INPP4B: variants seen among roughly 807,000 people sequenced by gnomAD.
The protein encoded by INPP4B is inositol polyphosphate-4-phosphatase type II B, also known as inositol polyphosphate 4-phosphatase type II.
In INPP4B, 55 loss-of-function variants were observed where a neutral mutation model predicts 122.5. That is an observed-to-expected ratio of 0.45 (90% CI 0.36 to 0.56). The LOEUF is 0.56. INPP4B is among the 20% of genes least tolerant of loss of function. The probability of loss-of-function intolerance (pLI) is 0.00; values close to 1 mark genes in which losing one functional copy is unlikely to be tolerated. For synonymous variants in INPP4B, 403 were observed against 388.7 expected, an observed-to-expected ratio of 1.04 and a Z score of -0.43; for missense variants, 1,000 against 1,097.7, an observed-to-expected ratio of 0.91 and a Z score of 1.26.
chr4:142,326,762 AAAT>A (rs1340102386), intron 7 of INPP4B, among the ~76,000 whole-genome samples: 1 of 152,228 alleles, frequency 6.6e-6, no homozygotes, highest in Non-Finnish European at 1.5e-5. Flanking sequence ...GGAAGCAAAG[AAAT>A]AATAACTCTG....
chr4:142,619,713 A>G (rs1474098995), intron 2 of INPP4B, among the ~76,000 whole-genome samples: 2 of 152,002 alleles, frequency 1.3e-5, no homozygotes, highest in Non-Finnish European at 2.9e-5. Context: ...CACAGTTAAT[A>G]CTGTATTATC....
At position 142,063,634 on chromosome 4, in the gene INPP4B, T is replaced by A. The variant is rs1268927951; in HGVS notation, c.2642+18397A>T. Among the ~76,000 whole-genome samples, 3 of 152,130 alleles carry A rather than the reference T, an allele frequency of 2.0e-5. 1 individual carries two copies. The highest frequency in any genetic ancestry group is 2.0e-4 in the Admixed American group (3 of 15,260). On this transcript the variant is annotated intron_variant, in intron 25 of 25. Coordinates refer to ENST00000262992, the MANE Select transcript of INPP4B (RefSeq NM_001101669.3). Reference sequence around the variant, plus strand: ...AAATTTAAAATTGAGCTCAAAATTTTAAAAATATATACACATAAATTTATT... The same window carrying A: ...AAATTTAAAATTGAGCTCAAAATTTAAAAAATATATACACATAAATTTATT...
At chr4:142,227,856 T>TAA (rs60375355) in intron 12 of INPP4B, among the ~76,000 whole-genome samples, 1,175 of 34,120 alleles carry the variant, frequency 0.034, 76 homozygotes, top group African/African-American at 0.059. Flanking sequence ...AGACTCTATC[T>TAA]AAAAAAAAAA....
chr4:142,198,460 T>C (rs1277394128), intron 14 of INPP4B, among the ~76,000 whole-genome samples: 1 of 151,210 alleles, frequency 6.6e-6, no homozygotes, highest in Non-Finnish European at 1.5e-5. Flanking sequence ...GTGTTCCTTT[T>C]TTTAAAAAAA....
At chr4:142,430,577 C>A (rs148342768) in intron 4 of INPP4B, among the ~76,000 whole-genome samples, 27 of 152,096 alleles carry the variant, frequency 1.8e-4, no homozygotes, top group African/African-American at 6.5e-4. Context: ...ATTTTAAATA[C>A]AAAAGAAAAC....
At chr4:142,828,551 A>G (rs1239645325) in intron 1 of INPP4B, among the ~76,000 whole-genome samples, 2 of 152,206 alleles carry the variant, frequency 1.3e-5, no homozygotes, top group South Asian at 2.1e-4. Flanking sequence ...TCTTACAGAA[A>G]AAAAATGCAA....
At chr4:142,591,606 A>G (rs1737511392) in intron 2 of INPP4B, among the ~76,000 whole-genome samples, 1 of 152,174 alleles carries the variant, frequency 6.6e-6, no homozygotes, top group African/African-American at 2.4e-5. Flanking sequence ...ATTTCCTTCC[A>G]AAAAGCACTA....
intron 16 of INPP4B, among the ~76,000 whole-genome samples, chr4:142,168,020 G>T (rs1823673151): frequency 6.7e-6 from 1 of 149,732 alleles, no homozygotes; most frequent in African/African-American, 2.5e-5. Flanking sequence ...CTTCTGGCTT[G>T]CCTAAAGCCT....
intron 17 of INPP4B, among the ~76,000 whole-genome samples, chr4:142,158,892 A>G (rs991550520): frequency 6.6e-6 from 1 of 151,960 alleles, no homozygotes; most frequent in East Asian, 2.0e-4. Context: ...AATGGTAATT[A>G]TTTGTCAAAA....
intron 2 of INPP4B, among the ~76,000 whole-genome samples, chr4:142,482,809 T>A (rs1398697047): frequency 1.3e-5 from 2 of 152,238 alleles, no homozygotes; most frequent in South Asian, 4.1e-4. Flanking sequence ...CTTTGTCTCA[T>A]AGCATATATT....
chr4:142,763,961 A>C (rs549739516), intron 1 of INPP4B, among the ~76,000 whole-genome samples: 1 of 152,248 alleles, frequency 6.6e-6, no homozygotes, highest in South Asian at 2.1e-4. Context: ...GGCTGCCTAA[A>C]AGCTCAATCT....
intron 2 of INPP4B, among the ~76,000 whole-genome samples, chr4:142,682,290 T>C (rs1758734468): frequency 1.3e-5 from 2 of 151,816 alleles, no homozygotes; most frequent in Non-Finnish European, 2.9e-5. Flanking sequence ...TCTCTCTCTT[T>C]CTCTCTCCTC....
intron 5 of INPP4B, among the ~76,000 whole-genome samples, chr4:142,418,762 T>G (rs1020508747): frequency 1.3e-5 from 2 of 152,186 alleles, no homozygotes; most frequent in South Asian, 4.1e-4. Flanking sequence ...AGACCCATTT[T>G]GATTTTACTC....
chr4:142,348,856 G>A (rs1410084886), intron 7 of INPP4B, among the ~76,000 whole-genome samples: 1 of 152,004 alleles, frequency 6.6e-6, no homozygotes, highest in Non-Finnish European at 1.5e-5. Context: ...TGTTCTGCTG[G>A]AGGGAAAAGT....
intron 1 of INPP4B, among the ~76,000 whole-genome samples, chr4:142,803,495 A>G (rs1044811899): frequency 6.6e-6 from 1 of 150,936 alleles, no homozygotes; most frequent in Non-Finnish European, 1.5e-5. Flanking sequence ...CATTTTTTTC[A>G]TAAAAGAGGG....
chr4:142,431,437 G>A (rs1031913977), intron 3 of INPP4B, 52 bp from the exon 4 acceptor site: 2 of 596,080 alleles, frequency 3.4e-6, no homozygotes, highest in East Asian at 5.6e-5. Flanking sequence ...TCAGTATAAA[G>A]CTAAAAAGTA....
intron 2 of INPP4B, among the ~76,000 whole-genome samples, chr4:142,529,064 C>T (rs151122150): frequency 9.7e-4 from 148 of 152,108 alleles, no homozygotes; most frequent in African/African-American, 3.4e-3. Flanking sequence ...TTTTCGATGT[C>T]GCAAAATGAA....
intron 2 of INPP4B, among the ~76,000 whole-genome samples, chr4:142,587,932 C>T (rs534640752): frequency 6.6e-6 from 1 of 151,620 alleles, no homozygotes; most frequent in African/African-American, 2.4e-5. Flanking sequence ...TGCAAAAATG[C>T]TCAACAAAAA....
At chr4:142,514,076 G>C (rs577315677) in intron 2 of INPP4B, 3 of 152,314 alleles carry the variant, frequency 2.0e-5, no homozygotes, top group African/African-American at 7.2e-5. Context: ...TGTTTGATAT[G>C]AGAATGGAGT....
Sources: gnomAD v4.1 joint callset for allele counts (sites outside exome capture counted in the v4.1 genomes callset) on GRCh38, gnomAD v4.1.1 for gene constraint, MANE v1.5 for transcripts, NCBI Gene and HGNC (gene_info 2026-07-23, HGNC 2026-07-21) for gene names.